The following PHC1 variants were observed in gnomAD, a reference collection of about 807,000 sequenced individuals.
The protein encoded by PHC1 is polyhomeotic-like protein 1.
A neutral mutation model predicts 104.3 loss-of-function variants in PHC1; 12 were observed. The observed-to-expected ratio is 0.12, with a 90% confidence interval of 0.07 to 0.19. PHC1 has a LOEUF of 0.19. Among genes scored for constraint, PHC1 ranks in the 10% least tolerant of loss-of-function variants. The pLI, the probability that PHC1 is intolerant of heterozygous loss-of-function variation, is 1.00. For synonymous variants in PHC1, 302 were observed against 455.8 expected (o/e 0.66, Z 4.30); for missense variants, 671 against 1,200.0 (o/e 0.56, Z 6.51).
At chr12:8,937,456 C>A in intron 13 of PHC1, 130 bp downstream of exon 13, 1 of 866,126 alleles carries the variant, frequency 1.2e-6, no homozygotes, top group Non-Finnish European at 1.7e-6. Flanking sequence ...TGCATTACTA[C>A]AAATTCCAAG....
chr12:8,934,392 A>G lies in PHC1; in HGVS notation c.2167A>G (p.Lys723Glu). 6.2e-7 allele frequency: 1 copy of G among 1,613,728 alleles called. No individual in the cohort carries two copies. Among genetic ancestry groups the G allele is most frequent in the Non-Finnish European group, 8.5e-7 (1 of 1,179,680 alleles). The change falls in exon 10 of 15, where the codon AAA becomes GAA. Residue 723 changes from lysine (K) to glutamate (E), a missense_variant. Around this residue, in one of 9 missense-constraint regions of PHC1, gnomAD observed 29 missense variants for 78.0 expected, o/e 0.37. Coordinates refer to ENST00000544916, the MANE Select transcript of PHC1 (RefSeq NM_004426.3). ...GGTGTCTAGACAAATGGGTGACTCA[A>G]AACCCCCACAGGCCATCGTGAAGCC... ...AMVSRQMGDS[K>E]PPQAIVKPQI... is the part of the protein sequence containing the mutation.
chr12:8,924,849 A>G (rs992147212), intron 6 of PHC1, among the ~76,000 whole-genome samples: 1 of 152,328 alleles, frequency 6.6e-6, no homozygotes, highest in African/African-American at 2.4e-5. Context: ...TGAGGAAAGT[A>G]CTTAGGAAGA....
At chr12:8,921,242 C>A (rs918397703) in intron 4 of PHC1, among the ~76,000 whole-genome samples, 177 bp downstream of exon 4, 3 of 152,146 alleles carry the variant, frequency 2.0e-5, no homozygotes, top group African/African-American at 7.2e-5. Context: ...ATATTGGAGT[C>A]TCTAAAGAGG....
intron 2 of PHC1, among the ~76,000 whole-genome samples, chr12:8,918,909 T>G (rs1464611194): frequency 4.6e-5 from 7 of 152,224 alleles, no homozygotes. Flanking sequence ...TTATGTAGCC[T>G]ACTCCGTACC....
intron 6 of PHC1, among the ~76,000 whole-genome samples, chr12:8,923,607 T>C (rs2137076935): frequency 6.6e-6 from 1 of 152,076 alleles, no homozygotes; most frequent in South Asian, 2.1e-4. Context: ...GGCGGGTGGA[T>C]CACGAGGTCA....
intron 6 of PHC1, among the ~76,000 whole-genome samples, chr12:8,926,899 G>A (rs946924430): frequency 8.0e-5 from 12 of 149,802 alleles, no homozygotes; most frequent in African/African-American, 2.7e-4. Flanking sequence ...TGGGCAACGA[G>A]GGCGAAACTC....
chr12:8,930,514 C>T lies in PHC1; in HGVS notation c.692C>T (p.Pro231Leu), dbSNP rs759997384. Residue 231 changes from proline to leucine, a missense_variant, in exon 7 of 15, where the codon CCT (proline) becomes CTT (leucine). By Grantham distance (98) the Pro-to-Leu change is moderately conservative. This residue lies in a region of PHC1 where 237 missense variants were observed against 331.1 expected (regional missense o/e 0.72). Transcript: ENST00000544916. ...CAAGGCTCCACTCAGAAGGCCATTCCTCCAGGAGCCTCCCCTGTCTCTAGC... is the reference window on the plus strand; with the variant it reads ...CAAGGCTCCACTCAGAAGGCCATTCTTCCAGGAGCCTCCCCTGTCTCTAGC... ...QMQGSTQKAIPPGASPVSSLS... is the reference protein window; with the variant it reads ...QMQGSTQKAILPGASPVSSLS... The T allele has an allele frequency of 6.4e-7, 1 of 1,555,678 alleles. No homozygotes were observed. Among genetic ancestry groups the T allele is most frequent in the East Asian group, 2.4e-5 (1 of 41,242 alleles).
intron 7 of PHC1, among the ~76,000 whole-genome samples, chr12:8,931,561 G>T (rs781454804): frequency 2.0e-5 from 3 of 152,174 alleles, no homozygotes; most frequent in Non-Finnish European, 2.9e-5. Flanking sequence ...TTAGCCGGGC[G>T]TAGTGGTTTA....
chr12:8,933,834 C>T (rs745776823), intron 8 of PHC1, 31 bp from the exon 9 acceptor site: 1 of 1,581,916 alleles, frequency 6.3e-7, no homozygotes, highest in Non-Finnish European at 8.7e-7. Context: ...ATTTGTACAT[C>T]TTTGTTTCTT....
intron 6 of PHC1, 108 bp from the exon 7 acceptor site, chr12:8,930,327 G>GAGGT: frequency 6.8e-7 from 1 of 1,476,396 alleles, no homozygotes; most frequent in African/African-American, 1.4e-5. Context: ...GATACGAGCT[G>GAGGT]AGGTATTCTG....
In PHC1 at chr12:8,927,853, TTTTCTTTCTTTCTTTCTTTC is replaced by T. The variant is rs71045227; in HGVS notation, c.613-2538_613-2519del. Among the ~76,000 whole-genome samples, 360 of 110,882 alleles carry T rather than the reference TTTTCTTTCTTTCTTTCTTTC, an allele frequency of 3.2e-3. 1 individual carries two copies. Among genetic ancestry groups the T allele is most frequent in the Middle Eastern group, 0.01 (2 of 192 alleles). The allele number at this position is 110,882 out of a possible 152,430, so 72.7% of individuals were successfully genotyped here. On this transcript the variant is annotated intron_variant, in intron 6 of 14. Coordinates refer to ENST00000544916, the MANE Select transcript of PHC1 (RefSeq NM_004426.3). ...ATTATTTTAACCTGTACTGTACTAG[TTTTCTTTCTTTCTTTCTTTC>T]TTTCTTTCTTTCTTTCTTTCTTTCT...
chr12:8,932,533 C>G (rs1456239642), intron 7 of PHC1, 30 bp from the exon 8 acceptor site: 11 of 1,596,332 alleles, frequency 6.9e-6, no homozygotes, highest in East Asian at 2.2e-5. Context: ...TCTTTTTTCT[C>G]TCTGTTGTAT....
chr12:8,930,187 T>C (rs1173944416), intron 6 of PHC1, among the ~76,000 whole-genome samples: 1 of 152,202 alleles, frequency 6.6e-6, no homozygotes, highest in African/African-American at 2.4e-5. Context: ...TGAAGAGATA[T>C]TTTGAAGGAA....
Position 8,930,674 on chromosome 12 carries a change from T to C in PHC1, c.852T>C (p.Gly284=), listed in dbSNP as rs760350353. Reference sequence around the variant, plus strand: ...CAGGGTCCATGGGTCCAGGTGGAGGTGGGCAGGCACATGGTGGTTTGGGTC... The same window carrying C: ...CAGGGTCCATGGGTCCAGGTGGAGGCGGGCAGGCACATGGTGGTTTGGGTC... ...SIPGSMGPGG[G]GQAHGGLGQL... Residue 284 remains glycine, a synonymous_variant, in exon 7 of 15, where the codon GGT becomes GGC. Transcript: ENST00000544916. The C allele has an allele frequency of 7.3e-7, 1 of 1,373,720 alleles. No individual in the cohort carries two copies. The highest frequency in any genetic ancestry group is 1.0e-6 in the Non-Finnish European group (1 of 1,002,916). 85.1% of individuals were successfully genotyped at this position (1,373,720 alleles called of 1,614,324 possible).
At chr12:8,938,136 A>G in intron 14 of PHC1, 76 bp downstream of exon 14, 1 of 962,358 alleles carries the variant, frequency 1.0e-6, no homozygotes, top group Non-Finnish European at 1.6e-6. Context: ...TAAGAGGGAA[A>G]GTAATTGACT....
chr12:8,916,055 AATG>A (rs1945191425), intron 1 of PHC1: 1 of 154,328 alleles, frequency 6.5e-6, no homozygotes, highest in Non-Finnish European at 1.5e-5. Flanking sequence ...ACATGCTGAT[AATG>A]AGGATTCATG....
intron 10 of PHC1, among the ~76,000 whole-genome samples, chr12:8,934,687 A>G (rs1356073466): frequency 1.3e-5 from 2 of 152,240 alleles, no homozygotes; most frequent in Non-Finnish European, 2.9e-5. Context: ...AAAGGAAGAA[A>G]GTAACCTTTA....
At chr12:8,926,107 G>A (rs138656751) in intron 6 of PHC1, among the ~76,000 whole-genome samples, 1 of 152,170 alleles carries the variant, frequency 6.6e-6, no homozygotes, top group East Asian at 1.9e-4. Flanking sequence ...ATGTAGGAGT[G>A]TATTTAGAGT....
chr12:8,927,467 G>C (rs1022316205), intron 6 of PHC1, among the ~76,000 whole-genome samples: 5 of 152,164 alleles, frequency 3.3e-5, no homozygotes, highest in Non-Finnish European at 2.9e-5. Context: ...GTGGAATATA[G>C]AGTGCAGAGA....
Sources: allele counts gnomAD v4.1 joint callset (sites outside exome capture counted in the v4.1 genomes callset), GRCh38; gene constraint gnomAD v4.1.1; regional missense constraint gnomAD v4.1.1; transcripts MANE v1.5; gene names NCBI Gene and HGNC (gene_info 2026-07-23, HGNC 2026-07-21).